Variants in SPARC observed in about 807,000 individuals in gnomAD.
The protein encoded by SPARC is secreted protein acidic and cysteine rich.
Under a neutral mutation model 37.7 loss-of-function variants are expected in SPARC, and 23 were observed. That is an observed-to-expected ratio of 0.61 (90% CI 0.44 to 0.87). SPARC has a LOEUF of 0.87. Ranked by LOEUF, SPARC falls within the 40% of genes least tolerant of loss-of-function variation. The pLI, the probability that SPARC is intolerant of heterozygous loss-of-function variation, is 0.00. For missense variants in SPARC, 312 were observed against 389.0 expected (o/e 0.80, Z 1.66); for synonymous variants, 155 against 150.8 (o/e 1.03, Z -0.20).
chr5:151,672,804 T>C lies in SPARC; in HGVS notation c.208+325A>G. Reference sequence around the variant, plus strand: ...GCAATGGGAGATTTCGGTGACCAGATGTGATCAGCGACCTCCGTGGGACTG... The same window carrying C: ...GCAATGGGAGATTTCGGTGACCAGACGTGATCAGCGACCTCCGTGGGACTG... On this transcript the variant is annotated intron_variant, in intron 4 of 9. Transcript: ENST00000231061. 1.2e-5 allele frequency: 4 copies of C among 340,806 alleles called. No homozygotes were observed. The South Asian group carries it at 1.5e-4, about 13-fold the overall frequency. 21.1% of individuals were successfully genotyped at this position (340,806 alleles called of 1,614,324 possible).
rs1760493903 is a variant in SPARC, at chr5:151,661,250, A to G, written c.*2321T>C. 6.6e-6 allele frequency: 1 copy of G among 152,194 alleles called. No individual in the cohort carries two copies. Among genetic ancestry groups the G allele is most frequent in the Non-Finnish European group, 1.5e-5 (1 of 68,030 alleles). The allele number at this position is 152,194 out of a possible 1,614,324, so 9.4% of individuals were successfully genotyped here. On this transcript the variant is annotated 3_prime_UTR_variant, in exon 10 of 10. Transcript: ENST00000231061. ...GCCTACTCATAAGATCCCCTAACACATTGCAGGTACCTGATGAATGTCGCC... is the reference window on the plus strand; with the variant it reads ...GCCTACTCATAAGATCCCCTAACACGTTGCAGGTACCTGATGAATGTCGCC...
chr5:151,677,688 C>T (rs1171853726), intron 1 of SPARC, among the ~76,000 whole-genome samples: 1 of 152,176 alleles, frequency 6.6e-6, no homozygotes, highest in Non-Finnish European at 1.5e-5. Context: ...CACATATGGT[C>T]TCCTCTGGGA....
rs1760511259 is a variant in SPARC, at chr5:151,661,797, T to C, written c.*1774A>G. The stretch of plus-strand genomic sequence containing the variant: ...AGCACTTGAAATGTTGCTAGTGTGA[T>C]TGGGGAGCTGCGTTTTGAATGTTAA... On this transcript the variant is annotated 3_prime_UTR_variant, in exon 10 of 10. Coordinates refer to ENST00000231061, the MANE Select transcript of SPARC (RefSeq NM_003118.4). 6.6e-6 allele frequency: 1 copy of C among 152,182 alleles called. No homozygotes were observed. Among genetic ancestry groups the C allele is most frequent in the Non-Finnish European group, 1.5e-5 (1 of 68,022 alleles). 9.4% of individuals were successfully genotyped at this position (152,182 alleles called of 1,614,324 possible). A position where few individuals can be genotyped will look rare whatever the true frequency, so the allele number is the denominator to read the frequency against.
At chr5:151,664,357 A>G in intron 8 of SPARC, 122 bp from the exon 9 acceptor site, 1 of 891,978 alleles carries the variant, frequency 1.1e-6, no homozygotes, top group Non-Finnish European at 1.7e-6. Flanking sequence ...AAGCAGGACA[A>G]AAAGCCAGAA....
chr5:151,669,929 G>C (rs1760713126), intron 5 of SPARC, 145 bp from the exon 6 acceptor site: 9 of 1,179,314 alleles, frequency 7.6e-6, no homozygotes, highest in Non-Finnish European at 9.6e-6. Context: ...GTTAGTGATA[G>C]GGCTGGGCCA....
intron 1 of SPARC, among the ~76,000 whole-genome samples, chr5:151,683,444 C>T (rs555671058): frequency 2.6e-5 from 4 of 152,190 alleles, no homozygotes; most frequent in Non-Finnish European, 5.9e-5. Flanking sequence ...GCTCCAAACA[C>T]GTGGAAGTTT....
chr5:151,669,489 G>A (rs1057205703), intron 6 of SPARC, among the ~76,000 whole-genome samples, 175 bp downstream of exon 6: 6 of 152,194 alleles, frequency 3.9e-5, no homozygotes, highest in African/African-American at 9.7e-5. Flanking sequence ...ACTCAGAGTT[G>A]AGAGGAGCCA....
intron 8 of SPARC, among the ~76,000 whole-genome samples, chr5:151,665,819 C>A (rs528356225): frequency 3.3e-5 from 5 of 152,202 alleles, no homozygotes; most frequent in Non-Finnish European, 5.9e-5. Flanking sequence ...CCTGCCTGTT[C>A]GGCAGTGCAG....
At chr5:151,674,569 C>T (rs748330211) in intron 3 of SPARC, 43 bp downstream of exon 3, 10 of 1,592,808 alleles carry the variant, frequency 6.3e-6, no homozygotes, top group African/African-American at 2.7e-5. Flanking sequence ...GGCACAGATA[C>T]AGGTAGAGAG....
At chr5:151,672,223 G>A (rs943646448) in intron 4 of SPARC, among the ~76,000 whole-genome samples, 7 of 152,190 alleles carry the variant, frequency 4.6e-5, no homozygotes, top group Admixed American at 3.3e-4. Flanking sequence ...GCGTGGAGGC[G>A]GGAAGGAACA....
chr5:151,677,836 C>A (rs1308680768), intron 1 of SPARC, among the ~76,000 whole-genome samples: 12 of 152,148 alleles, frequency 7.9e-5, no homozygotes, highest in African/African-American at 2.7e-4. Flanking sequence ...TGAAGTAAAA[C>A]TAACAGAAAT....
intron 1 of SPARC, among the ~76,000 whole-genome samples, chr5:151,685,445 C>CAA (rs1458587349): frequency 6.6e-6 from 1 of 151,824 alleles, no homozygotes. Context: ...CACACACACA[C>CAA]ACACACACAC....
intron 5 of SPARC, 135 bp downstream of exon 5, chr5:151,671,438 G>C: frequency 9.4e-7 from 1 of 1,059,166 alleles, no homozygotes; most frequent in Non-Finnish European, 1.3e-6. Context: ...TTTCCTGCTG[G>C]GACTAGGTCT....
chr5:151,681,577 A>G (rs924984767), intron 1 of SPARC, among the ~76,000 whole-genome samples: 7 of 152,204 alleles, frequency 4.6e-5, no homozygotes, highest in Admixed American at 6.5e-5. Context: ...TTATCTAGTT[A>G]ATCAATAAGT....
chr5:151,681,683 G>A (rs1170390740), intron 1 of SPARC, among the ~76,000 whole-genome samples: 2 of 152,194 alleles, frequency 1.3e-5, no homozygotes, highest in African/African-American at 4.8e-5. Context: ...CCTGAGGTCA[G>A]CAGTTCGAGA....
In SPARC at chr5:151,663,584, T is replaced by C; in HGVS notation, c.899A>G (p.Asp300Gly). The change falls in exon 10 of 10, where the codon GAT (aspartate) becomes GGT (glycine). Residue 300 changes from aspartate (D) to glycine (G), a missense_variant. By Grantham distance (94) the Asp-to-Gly change is moderately conservative (BLOSUM62 -1). Transcript: ENST00000231061. ...FGIKQKDIDKDLVI is the reference protein window; with the variant it reads ...FGIKQKDIDKGLVI ...GAAGGAGTGGATTTAGATCACAAGA[T>C]CCTTGTCGATATCCTCTGCAAAGCA... The C allele has an allele frequency of 6.2e-7, 1 of 1,614,000 alleles. No homozygotes were observed. The highest frequency in any genetic ancestry group is 8.5e-7 in the Non-Finnish European group (1 of 1,179,932).
chr5:151,681,482 CT>C (rs1457091044), intron 1 of SPARC, among the ~76,000 whole-genome samples: 1 of 152,222 alleles, frequency 6.6e-6, no homozygotes, highest in African/African-American at 2.4e-5. Context: ...CCAGAAAATC[CT>C]TTATTTCAAT....
intron 3 of SPARC, among the ~76,000 whole-genome samples, chr5:151,674,285 A>G (rs926795031): frequency 1.3e-5 from 2 of 152,114 alleles, no homozygotes; most frequent in Non-Finnish European, 2.9e-5. Context: ...GATTACAGGG[A>G]TTACAGGCAT....
In SPARC at chr5:151,662,825, G is replaced by A. The variant is rs1760540369; in HGVS notation, c.*746C>T. ...AGCCCTGGTTCTCCAAAAGACAGAG[G>A]AGGAGAAGCCCTGCAGGATGCGCTG... On this transcript the variant is annotated 3_prime_UTR_variant, in exon 10 of 10. Coordinates refer to ENST00000231061, the MANE Select transcript of SPARC (RefSeq NM_003118.4). 1 of 152,204 alleles carries A rather than the reference G, an allele frequency of 6.6e-6. No homozygotes were observed. The highest frequency in any genetic ancestry group is 1.5e-5 in the Non-Finnish European group (1 of 68,058). 9.4% of individuals were successfully genotyped at this position (152,204 alleles called of 1,614,324 possible). A position where few individuals can be genotyped will look rare whatever the true frequency, so the allele number is the denominator to read the frequency against.
Sources: allele counts gnomAD v4.1 joint callset (sites outside exome capture counted in the v4.1 genomes callset), GRCh38; gene constraint gnomAD v4.1.1; transcripts MANE v1.5; gene names NCBI Gene and HGNC (gene_info 2026-07-23, HGNC 2026-07-21).